Variants in RHOA observed in about 807,000 individuals in gnomAD.
RHOA encodes the protein ras homolog family member A.
Under a neutral mutation model 17.5 loss-of-function variants are expected in RHOA, and 3 were observed. That is an observed-to-expected ratio of 0.17 (90% CI 0.08 to 0.44). The LOEUF (loss-of-function observed/expected upper bound fraction) is 0.44. Ranked by LOEUF, RHOA falls within the 20% of genes least tolerant of loss-of-function variation. The pLI is 0.99. For synonymous variants in RHOA, 98 were observed against 88.4 expected (o/e 1.11, Z -0.61); for missense variants, 56 against 242.3 (o/e 0.23, Z 5.10).
At chr3:49,408,795 C>CT (rs113298712) in intron 1 of RHOA, among the ~76,000 whole-genome samples, 191 of 142,874 alleles carry the variant, frequency 1.3e-3, no homozygotes, top group African/African-American at 2.4e-3. Flanking sequence ...ACTTAAGATC[C>CT]TTTTTTTTTT....
chr3:49,368,632 T>C lies in RHOA; in HGVS notation c.157-84A>G, dbSNP rs151230155. The C allele has an allele frequency of 2.3e-4, 333 of 1,461,148 alleles. 2 individuals are homozygous for C. The African/African-American group carries it at 4.1e-3, about 18-fold the overall frequency. 90.5% of individuals were successfully genotyped at this position (1,461,148 alleles called of 1,614,324 possible). A position where few individuals can be genotyped will look rare whatever the true frequency, so the allele number is the denominator to read the frequency against. ...AAAAGTGACACTTACCATAGTACATTGAAATGGCAGACCATTGAAATGGCA... is the reference window on the plus strand; with the variant it reads ...AAAAGTGACACTTACCATAGTACATCGAAATGGCAGACCATTGAAATGGCA... On this transcript the variant is annotated intron_variant, in intron 2 of 4. Transcript: ENST00000418115.
At chr3:49,403,202 G>C (rs971405852) in intron 1 of RHOA, among the ~76,000 whole-genome samples, 2 of 152,134 alleles carry the variant, frequency 1.3e-5, no homozygotes, top group African/African-American at 4.8e-5. Flanking sequence ...GCTGGGTGTG[G>C]TGGCACGCAC....
intron 2 of RHOA, 61 bp from the exon 3 acceptor site, chr3:49,368,609 A>G: frequency 1.9e-6 from 3 of 1,595,956 alleles, no homozygotes; most frequent in Non-Finnish European, 2.6e-6. Context: ...CTTTTAGAAA[A>G]AGTGACACTT....
At position 49,360,196 on chromosome 3, in the gene RHOA, T is replaced by C. The variant is rs766538557; in HGVS notation, c.*13A>G. 6.2e-6 allele frequency: 10 copies of C among 1,611,876 alleles called. No individual in the cohort carries two copies. The highest frequency in any genetic ancestry group is 8.5e-6 in the Non-Finnish European group (10 of 1,179,380). On this transcript the variant is annotated 3_prime_UTR_variant, in exon 5 of 5. Coordinates refer to ENST00000418115, the MANE Select transcript of RHOA (RefSeq NM_001664.4). ...AAAATTAACCGCATAAGGGCTGTGC[T>C]TGCAGCAAGGTTTCACAAGACAAGG...
rs1024036334 is a variant in RHOA at position 49,360,086 on chromosome 3, T to C, written c.*123A>G. 1.8e-6 allele frequency: 2 copies of C among 1,120,094 alleles called. No individual in the cohort carries two copies. The highest frequency in any genetic ancestry group is 2.5e-6 in the Non-Finnish European group (2 of 794,794). The allele number at this position is 1,120,094 out of a possible 1,614,324, so 69.4% of individuals were successfully genotyped here. ...TGGCTTCTAAATACTGGTAGCAAGA[T>C]GACTTCTGATTTGTAATCTTAGGTA... On this transcript the variant is annotated 3_prime_UTR_variant, in exon 5 of 5. Coordinates refer to ENST00000418115, the MANE Select transcript of RHOA (RefSeq NM_001664.4).
chr3:49,381,861 G>A lies in RHOA; in HGVS notation c.-2-6270C>T, dbSNP rs1347043269. Among the ~76,000 whole-genome samples, 54 of 138,744 alleles carry A rather than the reference G, an allele frequency of 3.9e-4. 1 individual carries two copies. The highest frequency in any genetic ancestry group is 1.8e-4 in the Non-Finnish European group (11 of 62,558). 91.0% of individuals were successfully genotyped at this position (138,744 alleles called of 152,430 possible). A position where few individuals can be genotyped will look rare whatever the true frequency, so the allele number is the denominator to read the frequency against. On this transcript the variant is annotated intron_variant, in intron 1 of 4. Transcript: ENST00000418115. ...GTTTAGGCAACAAGAGCGAAAATTC[G>A]TCTCAAAAAAAAAAAAGACAGAGAG... is the stretch of plus-strand genomic sequence containing the variant.
At chr3:49,401,877 T>C (rs1421619092) in intron 1 of RHOA, among the ~76,000 whole-genome samples, 1 of 152,176 alleles carries the variant, frequency 6.6e-6, no homozygotes, top group African/African-American at 2.4e-5. Context: ...GCGCCCATCT[T>C]GAAGCATTTC....
chr3:49,388,222 T>G (rs2048433610), intron 1 of RHOA, among the ~76,000 whole-genome samples: 2 of 151,862 alleles, frequency 1.3e-5, no homozygotes, highest in African/African-American at 4.8e-5. Flanking sequence ...GGTTTTGCCA[T>G]GTTGCCCAGG....
intron 1 of RHOA, among the ~76,000 whole-genome samples, chr3:49,405,480 A>G (rs1015710562): frequency 6.6e-6 from 1 of 152,246 alleles, no homozygotes; most frequent in South Asian, 2.1e-4. Flanking sequence ...CATGTCTGGC[A>G]CTTGAGGTAA....
chr3:49,409,310 A>G (rs1418248615), intron 1 of RHOA, among the ~76,000 whole-genome samples: 1 of 151,958 alleles, frequency 6.6e-6, no homozygotes, highest in African/African-American at 2.4e-5. Context: ...CAGGAGAATC[A>G]CTTGAACCCA....
intron 1 of RHOA, among the ~76,000 whole-genome samples, chr3:49,394,387 G>A (rs1047141464): frequency 6.6e-6 from 1 of 151,716 alleles, no homozygotes; most frequent in Non-Finnish European, 1.5e-5. Context: ...GTCTCTCTCT[G>A]TTGCCCAGGC....
chr3:49,369,258 C>T (rs1039164534), intron 2 of RHOA, among the ~76,000 whole-genome samples: 2 of 147,734 alleles, frequency 1.4e-5, no homozygotes, highest in South Asian at 2.3e-4. Context: ...CTCCTGACCT[C>T]GTGATCCGCC....
At chr3:49,385,597 GA>G (rs1180151306) in intron 1 of RHOA, among the ~76,000 whole-genome samples, 4 of 151,634 alleles carry the variant, frequency 2.6e-5, no homozygotes, top group African/African-American at 9.7e-5. Context: ...TTATTTTGTT[GA>G]AGTCAAATTT....
At chr3:49,403,132 A>C (rs1461979477) in intron 1 of RHOA, among the ~76,000 whole-genome samples, 1 of 151,988 alleles carries the variant, frequency 6.6e-6, no homozygotes, top group Non-Finnish European at 1.5e-5. Flanking sequence ...ACAAGATCAG[A>C]TCGAGACCAT....
chr3:49,411,665 C>T (rs2048939343), intron 1 of RHOA, among the ~76,000 whole-genome samples, 155 bp downstream of exon 1: 1 of 151,730 alleles, frequency 6.6e-6, no homozygotes, highest in Non-Finnish European at 1.5e-5. Context: ...GGGGCCCGGG[C>T]TGGGAGTCAG....
intron 1 of RHOA, among the ~76,000 whole-genome samples, chr3:49,379,971 T>A (rs916338531): frequency 6.6e-6 from 1 of 152,224 alleles, no homozygotes; most frequent in Non-Finnish European, 1.5e-5. Context: ...TGGTCAACCA[T>A]CCCAATTCCC....
intron 1 of RHOA, among the ~76,000 whole-genome samples, chr3:49,398,878 T>C (rs914527486): frequency 2.3e-5 from 3 of 130,168 alleles, no homozygotes; most frequent in African/African-American, 5.9e-5. Context: ...AAAAGAATTT[T>C]GCTGTCTGAG....
chr3:49,368,312 T>G (rs1380415386), intron 3 of RHOA, 116 bp downstream of exon 3: 1 of 1,330,804 alleles, frequency 7.5e-7, no homozygotes, highest in Non-Finnish European at 1.1e-6. Flanking sequence ...CTCCGGCCAC[T>G]GACGATGATT....
At position 49,360,433 on chromosome 3, in the gene RHOA, T is replaced by G. The variant is rs574598841; in HGVS notation, c.409-51A>C. The G allele has an allele frequency of 3.1e-5, 48 of 1,524,102 alleles. 2 individuals are homozygous for G. In the South Asian group the frequency reaches 5.8e-4, roughly 18 times the overall value. The allele number at this position is 1,524,102 out of a possible 1,614,324, so 94.4% of individuals were successfully genotyped here. On this transcript the variant is annotated intron_variant, in intron 4 of 4. Coordinates refer to ENST00000418115, the MANE Select transcript of RHOA (RefSeq NM_001664.4). ...TTTAGCTAATAGTGTGGCATACATATAGTAAGTAAAAAGTATTCAAATTCA... is the reference window on the plus strand; with the variant it reads ...TTTAGCTAATAGTGTGGCATACATAGAGTAAGTAAAAAGTATTCAAATTCA...
Sources: allele counts gnomAD v4.1 joint callset (sites outside exome capture counted in the v4.1 genomes callset), GRCh38; gene constraint gnomAD v4.1.1; transcripts MANE v1.5; gene names NCBI Gene and HGNC (gene_info 2026-07-23, HGNC 2026-07-21).